The following WSCD1 variants were observed in gnomAD, a reference collection of about 807,000 sequenced individuals.
WSCD1 encodes sialate:O-sulfotransferase 1.
A neutral mutation model predicts 60.4 loss-of-function variants in WSCD1; 41 were observed. That is an observed-to-expected ratio of 0.68 (90% CI 0.53 to 0.88). WSCD1 has a LOEUF of 0.88. WSCD1 is among the 40% of genes least tolerant of loss of function. WSCD1 has a pLI of 0.00. For missense variants in WSCD1, 784 were observed against 796.2 expected, an observed-to-expected ratio of 0.98 and a Z score of 0.18; for synonymous variants, 361 against 332.5, an observed-to-expected ratio of 1.09 and a Z score of -0.93.
intron 2 of WSCD1, among the ~76,000 whole-genome samples, chr17:6,083,123 CTG>C (rs1909387164): frequency 6.6e-6 from 1 of 152,226 alleles, no homozygotes. Context: ...GACTGGGTCT[CTG>C]TGCAGGTTTT....
At chr17:6,089,441 G>A (rs1220654421) in intron 3 of WSCD1, among the ~76,000 whole-genome samples, 1 of 152,190 alleles carries the variant, frequency 6.6e-6, no homozygotes, top group Admixed American at 6.5e-5. Flanking sequence ...GTGATTCATT[G>A]AGGGTTCTGT....
At position 6,081,068 on chromosome 17, in the gene WSCD1, C is replaced by A; in HGVS notation, c.410C>A (p.Pro137His). Residue 137 changes from proline (P) to histidine (H), a missense_variant, in exon 2 of 9, where the codon CCC (proline) becomes CAC (histidine). Physicochemically the swap from Pro to His is moderately conservative, Grantham distance 77. Transcript: ENST00000317744. ...GCCCTGGGCCCCGAGGCTGCCAGGCCCGCCATCCACAGCCGAGGTAGGCGC... is the reference window on the plus strand; with the variant it reads ...GCCCTGGGCCCCGAGGCTGCCAGGCACGCCATCCACAGCCGAGGTAGGCGC... ...PPALGPEAAR[P>H]AIHSRGTYIG... 4 of 1,538,804 alleles carry A rather than the reference C, an allele frequency of 2.6e-6. No homozygotes were observed. Among genetic ancestry groups the A allele is most frequent in the Non-Finnish European group, 3.5e-6 (4 of 1,144,446 alleles).
intron 7 of WSCD1, 126 bp downstream of exon 7, chr17:6,111,061 G>A (rs889857750): frequency 8.5e-7 from 1 of 1,179,836 alleles, no homozygotes. Flanking sequence ...AGAGTCACCT[G>A]TGGGTGGAGC....
Position 6,101,023 on chromosome 17 carries a change from C to G in WSCD1, c.849+5800C>G, listed in dbSNP as rs1463115422. Among the ~76,000 whole-genome samples, 2 of 152,154 alleles carry G rather than the reference C, an allele frequency of 1.3e-5. No individual in the cohort carries two copies. The highest frequency in any genetic ancestry group is 1.3e-4 in the Admixed American group (2 of 15,284). Reference sequence around the variant, plus strand: ...CCTGCAGAGGCCAGAGAACTCTTTGCAGGGAATGGTATCCTCTCTTCCCTC... The same window carrying G: ...CCTGCAGAGGCCAGAGAACTCTTTGGAGGGAATGGTATCCTCTCTTCCCTC... On this transcript the variant is annotated intron_variant, in intron 5 of 8. Coordinates refer to ENST00000317744, the MANE Select transcript of WSCD1 (RefSeq NM_015253.2). This position sits in a 1 kb window ranked among gnomAD's most constrained non-coding sequence, Gnocchi z 4.1.
rs751311579 is a variant in WSCD1, at chr17:6,090,354, G to C, written c.576G>C (p.Ala192=). 3.1e-6 allele frequency: 5 copies of C among 1,607,250 alleles called. No homozygotes were observed. The highest frequency in any genetic ancestry group is 4.2e-6 in the Non-Finnish European group (5 of 1,177,108). Residue 192 remains alanine, a synonymous_variant, in exon 4 of 9, where the codon GCG becomes GCC. Coordinates refer to ENST00000317744, the MANE Select transcript of WSCD1 (RefSeq NM_015253.2). ...SYVYAGLEAG[A]ECYCGNRLPA... ...TCTACGCCGGCTTGGAGGCCGGGGCGGAGTGTTACTGCGGGAACCGGCTGC... is the reference window on the plus strand; with the variant it reads ...TCTACGCCGGCTTGGAGGCCGGGGCCGAGTGTTACTGCGGGAACCGGCTGC...
chr17:6,117,050 G>A (rs182090847), intron 7 of WSCD1, among the ~76,000 whole-genome samples: 59 of 152,300 alleles, frequency 3.9e-4, no homozygotes, highest in Middle Eastern at 3.4e-3. Flanking sequence ...TAGAACATAA[G>A]CTTAAAGACA....
rs201975601 is a variant in WSCD1 at position 6,120,622 on chromosome 17, C to G, written c.1689C>G (p.His563Gln). ...CGGTGGACCAAGCCCTGCGTGACCA[C>G]AACTGGACGGGGCTGCCCAGGGAGT... The part of the protein sequence containing the change: ...IRTVDQALRD[H>Q]NWTGLPREYV... Residue 563 changes from histidine to glutamine, a missense_variant, in exon 9 of 9, where the codon CAC becomes CAG. By Grantham distance (24) the His-to-Gln change is conservative. Coordinates refer to ENST00000317744, the MANE Select transcript of WSCD1 (RefSeq NM_015253.2). 6.2e-7 allele frequency: 1 copy of G among 1,613,364 alleles called. No individual in the cohort carries two copies. Among genetic ancestry groups the G allele is most frequent in the East Asian group, 2.2e-5 (1 of 44,870 alleles).
Position 6,075,490 on chromosome 17 carries a change from C to A in WSCD1, c.-289+4838C>A, listed in dbSNP as rs1908792344. 1.3e-5 allele frequency among the ~76,000 whole-genome samples: 2 copies of A among 152,158 alleles called. No individual in the cohort carries two copies. Among genetic ancestry groups the A allele is most frequent in the South Asian group, 4.1e-4 (2 of 4,826 alleles). The stretch of plus-strand genomic sequence containing the variant: ...CAGCCCAAGCCACCCATCATTCAGG[C>A]TGGGCAGTTGCTGCTCCCTCGGTCC... On this transcript the variant is annotated intron_variant, in intron 1 of 8. Transcript: ENST00000317744. The surrounding 1 kb of genome is among the most constrained non-coding windows in gnomAD (Gnocchi z 4.1).
chr17:6,086,110 C>T (rs1462766309), intron 2 of WSCD1, among the ~76,000 whole-genome samples: 2 of 151,542 alleles, frequency 1.3e-5, no homozygotes, highest in African/African-American at 2.4e-5. Context: ...TTCTGTGGTC[C>T]GAGGGTCTCC....
At chr17:6,073,434 A>G (rs988010998) in intron 1 of WSCD1, among the ~76,000 whole-genome samples, 3 of 152,240 alleles carry the variant, frequency 2.0e-5, no homozygotes, top group Admixed American at 1.3e-4. Context: ...GTTTGAGACC[A>G]GCCTGGCAAA....
chr17:6,093,608 C>T (rs900305931), intron 4 of WSCD1, among the ~76,000 whole-genome samples: 1 of 152,168 alleles, frequency 6.6e-6, no homozygotes, highest in African/African-American at 2.4e-5. Flanking sequence ...TCAATCATGC[C>T]AAAGAACAGG....
At chr17:6,074,041 G>A (rs1908700649) in intron 1 of WSCD1, among the ~76,000 whole-genome samples, 1 of 152,222 alleles carries the variant, frequency 6.6e-6, no homozygotes, top group African/African-American at 2.4e-5. Flanking sequence ...GCACTTGACA[G>A]TTGGTGAAAG....
At position 6,095,146 on chromosome 17, in the gene WSCD1, A is replaced by G. The variant is rs761438188; in HGVS notation, c.772A>G (p.Ile258Val). 1 of 1,613,764 alleles carries G rather than the reference A, an allele frequency of 6.2e-7. No individual in the cohort carries two copies. Among genetic ancestry groups the G allele is most frequent in the Non-Finnish European group, 8.5e-7 (1 of 1,179,856 alleles). Residue 258 changes from isoleucine (I) to valine (V), a missense_variant, in exon 5 of 9, where the codon ATC becomes GTC. Transcript: ENST00000317744. ...YRGCFRLPEN[I>V]THAFPSSLIQ... is the part of the protein sequence containing the mutation. Reference sequence around the variant, plus strand: ...CGGATGCTTCCGACTGCCAGAGAACATCACACATGCCTTCCCCAGCTCCCT... The same window carrying G: ...CGGATGCTTCCGACTGCCAGAGAACGTCACACATGCCTTCCCCAGCTCCCT...
In WSCD1 at chr17:6,089,472, C is replaced by T. The variant is rs117799956; in HGVS notation, c.543-849C>T. Among the ~76,000 whole-genome samples, 502 of 152,258 alleles carry T rather than the reference C, an allele frequency of 3.3e-3. 10 individuals are homozygous for T. In the East Asian group the frequency reaches 0.047, roughly 14 times the overall value. On this transcript the variant is annotated intron_variant, in intron 3 of 8. Coordinates refer to ENST00000317744, the MANE Select transcript of WSCD1 (RefSeq NM_015253.2). The stretch of plus-strand genomic sequence containing the variant: ...TCTGTTTCCAACCTTTCTTTACCTA[C>T]GGTATTACTAGGTCAAAGTAAGTAG...
Position 6,088,218 on chromosome 17 carries a change from A to G in WSCD1, c.542+114A>G. 3 of 858,194 alleles carry G rather than the reference A, an allele frequency of 3.5e-6. No homozygotes were observed. In the South Asian group the frequency reaches 5.1e-5, roughly 15 times the overall value. 53.2% of individuals were successfully genotyped at this position (858,194 alleles called of 1,614,324 possible). A position where few individuals can be genotyped will look rare whatever the true frequency, so the allele number is the denominator to read the frequency against. On this transcript the variant is annotated intron_variant, in intron 3 of 8. Transcript: ENST00000317744. ...GGCTGTCATAGCATAATTGGAACTC[A>G]CTGCTCAGATCCCAGTTTTCCAGAA...
chr17:6,091,059 G>GT (rs1233407757), intron 4 of WSCD1, among the ~76,000 whole-genome samples: 2 of 151,846 alleles, frequency 1.3e-5, no homozygotes, highest in Non-Finnish European at 2.9e-5. Context: ...CCCGGCTAAT[G>GT]TTTTTTGTAT....
chr17:6,074,419 C>T (rs1908723292), intron 1 of WSCD1, among the ~76,000 whole-genome samples: 1 of 152,212 alleles, frequency 6.6e-6, no homozygotes, highest in South Asian at 2.1e-4. Flanking sequence ...TCCAGTCCAG[C>T]AGGCACTTAT....
intron 7 of WSCD1, among the ~76,000 whole-genome samples, chr17:6,116,799 A>C (rs1904323324): frequency 6.6e-6 from 1 of 152,234 alleles, no homozygotes; most frequent in Non-Finnish European, 1.5e-5. Flanking sequence ...AATGCTTTCC[A>C]GCAATTCCTG....
intron 1 of WSCD1, among the ~76,000 whole-genome samples, chr17:6,071,741 G>T (rs1908556552): frequency 1.3e-5 from 2 of 152,230 alleles, no homozygotes; most frequent in Non-Finnish European, 2.9e-5. Flanking sequence ...GGCTTGCCCT[G>T]CGCTGTTTGC....
Sources: gnomAD v4.1 joint callset for allele counts (sites outside exome capture counted in the v4.1 genomes callset) on GRCh38, gnomAD v4.1.1 for gene constraint, Gnocchi (gnomAD v3.1) non-coding constraint, MANE v1.5 for transcripts, NCBI Gene and HGNC (gene_info 2026-07-23, HGNC 2026-07-21) for gene names.